Variants in GNG7 observed in about 807,000 individuals in gnomAD.
GNG7 encodes guanine nucleotide-binding protein G(I)/G(S)/G(O) subunit gamma-7.
In GNG7, 1 loss-of-function variant was observed where a neutral mutation model predicts 4.0. The ratio of observed to expected loss-of-function variants is 0.25; its 90% CI spans 0.09 to 1.18. The LOEUF (loss-of-function observed/expected upper bound fraction) is 1.18, where lower values mean the gene tolerates loss of function less well. Ranked by LOEUF, GNG7 falls within the 50% of genes most tolerant of loss-of-function variation. The pLI is 0.50. For synonymous variants in GNG7, 34 were observed against 36.9 expected (o/e 0.92, Z 0.29); for missense variants, 86 against 91.9 (o/e 0.94, Z 0.26).
intron 3 of GNG7, among the ~76,000 whole-genome samples, chr19:2,545,735 C>A (rs369236953): frequency 6.6e-6 from 1 of 151,086 alleles, no homozygotes; most frequent in African/African-American, 2.4e-5. Flanking sequence ...GGGTGGATCA[C>A]CTGAGATCAG....
chr19:2,664,644 C>T (rs559253067), intron 1 of GNG7, among the ~76,000 whole-genome samples: 250 of 152,332 alleles, frequency 1.6e-3, no homozygotes, highest in Non-Finnish European at 2.8e-3. Context: ...ACCCAGTCCT[C>T]TAGGTCACTC....
rs189987043 is a variant in GNG7, at chr19:2,591,091, T to C, written c.-77-35903A>G. Among the ~76,000 whole-genome samples, 523 of 152,336 alleles carry C rather than the reference T, an allele frequency of 3.4e-3. 3 individuals carry two copies. Among genetic ancestry groups the C allele is most frequent in the African/African-American group, 0.012 (511 of 41,580 alleles). On this transcript the variant is annotated intron_variant, in intron 2 of 4. Transcript: ENST00000382159. ...TTTTCAAAGTTGAGCACGATATAAGTATGTTGTTCCTTGGATTCCTGATGC... is the reference window on the plus strand; with the variant it reads ...TTTTCAAAGTTGAGCACGATATAAGCATGTTGTTCCTTGGATTCCTGATGC...
At chr19:2,674,205 C>T (rs556729864) in intron 1 of GNG7, among the ~76,000 whole-genome samples, 4 of 131,432 alleles carry the variant, frequency 3.0e-5, no homozygotes, top group Non-Finnish European at 5.2e-5. Flanking sequence ...CCAGAGGTTG[C>T]GGTGAGCCGA....
chr19:2,549,540 C>T (rs537633266), intron 3 of GNG7, among the ~76,000 whole-genome samples: 20 of 152,266 alleles, frequency 1.3e-4, no homozygotes, highest in African/African-American at 3.6e-4. Flanking sequence ...CCACGTGTCT[C>T]GGCCTCCCAA....
chr19:2,619,462 T>G (rs971555359), intron 2 of GNG7, among the ~76,000 whole-genome samples: 1 of 152,202 alleles, frequency 6.6e-6, no homozygotes, highest in Non-Finnish European at 1.5e-5. Flanking sequence ...TAGCAAGTAT[T>G]TGTTTATAGT....
intron 2 of GNG7, among the ~76,000 whole-genome samples, chr19:2,585,513 G>A (rs1048976752): frequency 1.3e-5 from 2 of 152,244 alleles, no homozygotes; most frequent in Admixed American, 1.3e-4. Context: ...AAGTGCCTGC[G>A]GCTATTCTTG....
Position 2,579,033 on chromosome 19 carries a change from C to A in GNG7, c.-77-23845G>T, listed in dbSNP as rs561647239. ...AGGAAATGGCTGGGAGAGGGAGAGA[C>A]GGTTAAACGAAAAAACATCCCAAGA... On this transcript the variant is annotated intron_variant, in intron 2 of 4. Coordinates refer to ENST00000382159, the MANE Select transcript of GNG7 (RefSeq NM_052847.3). Among the ~76,000 whole-genome samples, 11 of 152,286 alleles carry A rather than the reference C, an allele frequency of 7.2e-5. No homozygotes were observed. In the East Asian group the frequency reaches 1.7e-3, roughly 24 times the overall value.
At chr19:2,665,477 G>A (rs776251012) in intron 1 of GNG7, among the ~76,000 whole-genome samples, 3 of 151,794 alleles carry the variant, frequency 2.0e-5, no homozygotes, top group African/African-American at 4.9e-5. Flanking sequence ...AGGGCCATGC[G>A]GGACAAAAAA....
chr19:2,533,578 G>A (rs1978657388), intron 3 of GNG7, among the ~76,000 whole-genome samples: 1 of 152,108 alleles, frequency 6.6e-6, no homozygotes. Flanking sequence ...GATAAAATCA[G>A]TTAATTACAA....
At chr19:2,516,515 C>T (rs1196379507) in intron 4 of GNG7, among the ~76,000 whole-genome samples, 1 of 152,122 alleles carries the variant, frequency 6.6e-6, no homozygotes, top group African/African-American at 2.4e-5. Flanking sequence ...TGAGCCACGG[C>T]ACCTGGCCTA....
intron 3 of GNG7, among the ~76,000 whole-genome samples, chr19:2,531,775 A>G (rs1040148196): frequency 6.8e-6 from 1 of 146,574 alleles, no homozygotes; most frequent in Non-Finnish European, 1.5e-5. Context: ...CGTCCCAAAA[A>G]AAAAAAAAAA....
intron 1 of GNG7, among the ~76,000 whole-genome samples, chr19:2,691,534 ACT>A (rs1173700665): frequency 6.6e-6 from 1 of 151,442 alleles, no homozygotes; most frequent in Non-Finnish European, 1.5e-5. Flanking sequence ...ACAGAGCAAG[ACT>A]CTGTCTCAAA....
intron 2 of GNG7, among the ~76,000 whole-genome samples, chr19:2,601,628 GA>G (rs1272508487): frequency 1.1e-4 from 17 of 152,106 alleles, no homozygotes; most frequent in African/African-American, 4.1e-4. Context: ...GAAAGGCAGT[GA>G]AGGCCGGGCA....
At position 2,634,384 on chromosome 19, in the gene GNG7, C is replaced by T. The variant is rs1406700721; in HGVS notation, c.-78+11840G>A. Reference sequence around the variant, plus strand: ...TGTCCCAGAAATTGCTCAGTGTCCCCGGGGTTGGGGGTGGGGGGCGGCATC... The same window carrying T: ...TGTCCCAGAAATTGCTCAGTGTCCCTGGGGTTGGGGGTGGGGGGCGGCATC... On this transcript the variant is annotated intron_variant, in intron 2 of 4. Coordinates refer to ENST00000382159, the MANE Select transcript of GNG7 (RefSeq NM_052847.3). The surrounding 1 kb of genome is among the most constrained non-coding windows in gnomAD (Gnocchi z 5.3). 1.3e-5 allele frequency among the ~76,000 whole-genome samples: 2 copies of T among 152,052 alleles called. No homozygotes were observed. The highest frequency in any genetic ancestry group is 4.8e-5 in the African/African-American group (2 of 41,406).
intron 1 of GNG7, among the ~76,000 whole-genome samples, chr19:2,690,766 G>A (rs1913118379): frequency 6.6e-6 from 1 of 152,014 alleles, no homozygotes; most frequent in South Asian, 2.1e-4. Context: ...ACTAAGCTTT[G>A]TATTGTTAAT....
intron 2 of GNG7, among the ~76,000 whole-genome samples, chr19:2,624,839 AG>A (rs1981976689): frequency 6.6e-6 from 1 of 152,234 alleles, no homozygotes; most frequent in African/African-American, 2.4e-5. Flanking sequence ...CCCATCCCAC[AG>A]GCTCCAGGGT....
At chr19:2,582,642 C>T (rs1266848425) in intron 2 of GNG7, among the ~76,000 whole-genome samples, 1 of 144,178 alleles carries the variant, frequency 6.9e-6, no homozygotes, top group Non-Finnish European at 1.5e-5. Flanking sequence ...GCCACCATGG[C>T]TGGCTAATTG....
chr19:2,636,668 C>T (rs1044879370), intron 2 of GNG7, among the ~76,000 whole-genome samples: 1 of 152,174 alleles, frequency 6.6e-6, no homozygotes, highest in African/African-American at 2.4e-5. Flanking sequence ...CCAGGGACCG[C>T]CTCTGGTTTT....
At chr19:2,684,450 G>A (rs921519429) in intron 1 of GNG7, among the ~76,000 whole-genome samples, 1 of 151,726 alleles carries the variant, frequency 6.6e-6, no homozygotes, top group Non-Finnish European at 1.5e-5. Context: ...CAGTGCTGTT[G>A]ATGGAGGCCC....
Sources: allele counts gnomAD v4.1 joint callset (sites outside exome capture counted in the v4.1 genomes callset), GRCh38; gene constraint gnomAD v4.1.1; non-coding constraint Gnocchi (gnomAD v3.1); transcripts MANE v1.5; gene names NCBI Gene and HGNC (gene_info 2026-07-23, HGNC 2026-07-21).